Variants in SPO11 observed in about 807,000 individuals in gnomAD.
The protein encoded by SPO11 is SPO11 initiator of meiotic double strand breaks.
Under a neutral mutation model 51.6 loss-of-function variants are expected in SPO11, and 49 were observed. The observed-to-expected ratio is 0.95, with a 90% confidence interval of 0.75 to 1.20. The LOEUF (loss-of-function observed/expected upper bound fraction) is 1.20. Among genes scored for constraint, SPO11 ranks in the 50% most tolerant of loss-of-function variants. The probability of loss-of-function intolerance (pLI) is 0.00; values close to 1 mark genes in which losing one functional copy is unlikely to be tolerated. For missense variants in SPO11, 431 were observed against 473.4 expected, an observed-to-expected ratio of 0.91 and a Z score of 0.83; for synonymous variants, 176 against 158.2, an observed-to-expected ratio of 1.11 and a Z score of -0.84.
intron 6 of SPO11, among the ~76,000 whole-genome samples, chr20:57,335,089 G>C (rs1011987271): frequency 9.2e-5 from 14 of 152,206 alleles, no homozygotes; most frequent in African/African-American, 3.4e-4. Flanking sequence ...CAGATAAAGT[G>C]TGGCTTGGTC....
intron 10 of SPO11, 104 bp downstream of exon 10, chr20:57,339,130 C>T (rs537359840): frequency 1.5e-6 from 1 of 658,706 alleles, no homozygotes; most frequent in South Asian, 2.5e-5. Context: ...CTGAGAGTGC[C>T]CAAAGTGTAC....
chr20:57,340,007 G>A (rs1011122941), intron 10 of SPO11, 95 bp from the exon 11 acceptor site: 3 of 802,990 alleles, frequency 3.7e-6, no homozygotes, highest in Admixed American at 4.0e-5. Context: ...TTTAGTACTT[G>A]TCCTTCTTAA....
intron 12 of SPO11, among the ~76,000 whole-genome samples, 164 bp downstream of exon 12, chr20:57,343,004 A>T (rs1025368839): frequency 6.6e-6 from 1 of 152,198 alleles, no homozygotes; most frequent in Non-Finnish European, 1.5e-5. Flanking sequence ...GAGTCATATG[A>T]ATGCTAATAG....
At chr20:57,338,445 TC>T in intron 9 of SPO11, 70 bp downstream of exon 9, 2 of 1,103,788 alleles carry the variant, frequency 1.8e-6, no homozygotes, top group Non-Finnish European at 2.6e-6. Context: ...GTTTTCTTCC[TC>T]TTTTTTTTTT....
At chr20:57,340,964 A>G (rs889352135) in intron 11 of SPO11, among the ~76,000 whole-genome samples, 2 of 152,226 alleles carry the variant, frequency 1.3e-5, no homozygotes, top group African/African-American at 4.8e-5. Flanking sequence ...AAAAATATTA[A>G]GCAACAAGTT....
chr20:57,329,831 C>T lies in SPO11; in HGVS notation c.-37C>T, dbSNP rs774635696. 12 of 1,597,394 alleles carry T rather than the reference C, an allele frequency of 7.5e-6. No individual in the cohort carries two copies. In the South Asian group the frequency reaches 7.8e-5, roughly 10 times the overall value. ...CACGCCCCAAGGGCGCAGCCTAGGA[C>T]AGGGGCTTCTGGAGCTTCTGGCAGC... On this transcript the variant is annotated 5_prime_UTR_variant, in exon 1 of 13. Transcript: ENST00000371263.
At position 57,333,282 on chromosome 20, in the gene SPO11, T is replaced by C. The variant is rs1281504785; in HGVS notation, c.334+6T>C. On this transcript the variant is annotated splice_donor_region_variant and intron_variant, in intron 3 of 12. Transcript: ENST00000371263. The stretch of plus-strand genomic sequence containing the variant: ...AAAATCAGCTCAAAAATTTTGTAAG[T>C]TAATTGTTCTTAGCTTTTGGTAATA... 1 of 1,590,004 alleles carries C rather than the reference T, an allele frequency of 6.3e-7. No individual in the cohort carries two copies. The highest frequency in any genetic ancestry group is 1.8e-5 in the Admixed American group (1 of 55,614).
At chr20:57,340,371 A>G (rs1362051579) in intron 11 of SPO11, among the ~76,000 whole-genome samples, 193 bp downstream of exon 11, 2 of 152,242 alleles carry the variant, frequency 1.3e-5, no homozygotes, top group Non-Finnish European at 2.9e-5. Flanking sequence ...TATTTAACAC[A>G]TGAATTTGGT....
At chr20:57,340,230 A>G (rs558886344) in intron 11 of SPO11, 52 bp downstream of exon 11, 6 of 1,228,084 alleles carry the variant, frequency 4.9e-6, no homozygotes, top group African/African-American at 4.5e-5. Context: ...TCATTATCAT[A>G]TGTAACAATA....
chr20:57,331,629 A>T (rs1463869685), intron 1 of SPO11, among the ~76,000 whole-genome samples: 3 of 152,240 alleles, frequency 2.0e-5, no homozygotes, highest in Non-Finnish European at 4.4e-5. Flanking sequence ...TTAATGCAGT[A>T]GTAAAGGTTT....
rs368866973 is a variant in SPO11, at chr20:57,331,824, T to C, written c.132-9T>C. 4.9e-5 allele frequency: 72 copies of C among 1,480,682 alleles called. No homozygotes were observed. The highest frequency in any genetic ancestry group is 6.1e-5 in the Non-Finnish European group (67 of 1,091,946). The allele number at this position is 1,480,682 out of a possible 1,614,324, so 91.7% of individuals were successfully genotyped here. A position where few individuals can be genotyped will look rare whatever the true frequency, so the allele number is the denominator to read the frequency against. ...TTAAGATGGAATCATGCTCTGTTTA[T>C]TGTTTCAGTTCTGAGGTTCTTGCAT... On this transcript the variant is annotated splice_polypyrimidine_tract_variant and intron_variant, in intron 1 of 12. Transcript: ENST00000371263.
In SPO11 at chr20:57,343,705, A is replaced by C; in HGVS notation, c.*245A>C. The C allele has an allele frequency of 3.8e-6, 1 of 263,372 alleles. No homozygotes were observed. Among genetic ancestry groups the C allele is most frequent in the Non-Finnish European group, 7.0e-6 (1 of 142,278 alleles). The allele number at this position is 263,372 out of a possible 1,614,324, so 16.3% of individuals were successfully genotyped here. A position where few individuals can be genotyped will look rare whatever the true frequency, so the allele number is the denominator to read the frequency against. On this transcript the variant is annotated 3_prime_UTR_variant, in exon 13 of 13. Coordinates refer to ENST00000371263, the MANE Select transcript of SPO11 (RefSeq NM_012444.3). ...TATCTTCTAAAGCAAATTATAAAAG[A>C]ATATGTTATTTTGACCTTTAAATTA...
At position 57,329,996 on chromosome 20, in the gene SPO11, C is replaced by T. The variant is rs1421125379; in HGVS notation, c.129C>T (p.Ser43=). ...EPPTGGSRLA[S]SSEVLASIEN... Reference sequence around the variant, plus strand: ...CAACTGGGGGAAGCCGCCTGGCCTCCAGGTACAGGAGCTGGTGCCGAGGCG... The same window carrying T: ...CAACTGGGGGAAGCCGCCTGGCCTCTAGGTACAGGAGCTGGTGCCGAGGCG... Residue 43 remains serine, a splice_region_variant and synonymous_variant, in exon 1 of 13, where the codon TCC becomes TCT. Coordinates refer to ENST00000371263, the MANE Select transcript of SPO11 (RefSeq NM_012444.3). 6.3e-7 allele frequency: 1 copy of T among 1,595,800 alleles called. No homozygotes were observed. The highest frequency in any genetic ancestry group is 1.1e-5 in the South Asian group (1 of 89,618).
At chr20:57,332,919 C>T (rs1221801423) in intron 2 of SPO11, among the ~76,000 whole-genome samples, 2 of 152,042 alleles carry the variant, frequency 1.3e-5, no homozygotes, top group Non-Finnish European at 2.9e-5. Flanking sequence ...TGCACACACA[C>T]AAACACACTC....
Position 57,338,307 on chromosome 20 carries a change from T to C in SPO11, c.776T>C (p.Leu259Pro). The part of the protein sequence containing the change: ...GKGVPDLNTR[L>P]LVKKLWDTFH... ...GGAGTTCCTGATCTAAACACAAGACTTTTAGTCAAGAAACTGTGGGATACA... is the reference window on the plus strand; with the variant it reads ...GGAGTTCCTGATCTAAACACAAGACCTTTAGTCAAGAAACTGTGGGATACA... The change falls in exon 9 of 13, where the codon CTT becomes CCT. Residue 259 changes from leucine to proline, a missense_variant. Around this residue, in one of 3 missense-constraint regions of SPO11, gnomAD observed 405 missense variants for 425.9 expected, o/e 0.95. Coordinates refer to ENST00000371263, the MANE Select transcript of SPO11 (RefSeq NM_012444.3). The C allele has an allele frequency of 6.2e-7, 1 of 1,613,740 alleles. No homozygotes were observed. Among genetic ancestry groups the C allele is most frequent in the South Asian group, 1.1e-5 (1 of 91,036 alleles).
rs1332128264 is a variant in SPO11, at chr20:57,339,024, A to G, written c.880A>G (p.Met294Val). 4 of 1,470,464 alleles carry G rather than the reference A, an allele frequency of 2.7e-6. No individual in the cohort carries two copies. The highest frequency in any genetic ancestry group is 1.4e-5 in the African/African-American group (1 of 69,654). The allele number at this position is 1,470,464 out of a possible 1,614,324, so 91.1% of individuals were successfully genotyped here. The stretch of plus-strand genomic sequence containing the variant: ...AATGTGCATCTATAAGTATGGATCT[A>G]TGGTAAGTATAGAAAAGCAGTTTTC... Reference protein sequence around the residue: ...EIMCIYKYGSMSMSFEAHHLT... With the variant: ...EIMCIYKYGSVSMSFEAHHLT... Residue 294 changes from methionine to valine, a missense_variant and splice_region_variant, in exon 10 of 13, where the codon ATG becomes GTG. Met to Val is a conservative substitution (Grantham distance 21). Transcript: ENST00000371263.
chr20:57,330,047 C>A, intron 1 of SPO11, 49 bp downstream of exon 1: 3 of 1,515,168 alleles, frequency 2.0e-6, no homozygotes, highest in South Asian at 2.4e-5. Flanking sequence ...GTAGAAAAGT[C>A]GGGCGCTCTT....
chr20:57,337,754 C>T, intron 8 of SPO11: 5 of 1,309,282 alleles, frequency 3.8e-6, no homozygotes, highest in Non-Finnish European at 5.0e-6. Flanking sequence ...ACCAGTCTTT[C>T]AGCACCTGAA....
rs28368081 is a variant in SPO11, at chr20:57,335,414, A to T, written c.598-5A>T. The T allele has an allele frequency of 3.0e-3, 4,808 of 1,599,328 alleles. 8 individuals are homozygous for T. Among genetic ancestry groups the T allele is most frequent in the Non-Finnish European group, 3.9e-3 (4,527 of 1,174,738 alleles). On this transcript the variant is annotated splice_polypyrimidine_tract_variant and splice_region_variant and intron_variant, in intron 6 of 12. Transcript: ENST00000371263. Reference sequence around the variant, plus strand: ...TATGTAAGATAAAAACTTTTTTTTTAAAAGGCTGTTGCTGTGCCATCGAAT... The same window carrying T: ...TATGTAAGATAAAAACTTTTTTTTTTAAAGGCTGTTGCTGTGCCATCGAAT...
Sources: allele counts gnomAD v4.1 joint callset (sites outside exome capture counted in the v4.1 genomes callset), GRCh38; gene constraint gnomAD v4.1.1; regional missense constraint gnomAD v4.1.1; transcripts MANE v1.5; gene names NCBI Gene and HGNC (gene_info 2026-07-23, HGNC 2026-07-21).